The following SYNDIG1L variants were observed in gnomAD, a reference collection of about 807,000 sequenced individuals.
SYNDIG1L encodes synapse differentiation-inducing gene protein 1-like.
SYNDIG1L carries 13 observed loss-of-function variants against 20.1 expected under a neutral mutation model. That is an observed-to-expected ratio of 0.65 (90% CI 0.42 to 1.03). SYNDIG1L has a LOEUF of 1.03. Among genes scored for constraint, SYNDIG1L ranks in the 50% least tolerant of loss-of-function variants. The pLI is 0.00. For missense variants in SYNDIG1L, 294 were observed against 305.1 expected (o/e 0.96, Z 0.27); for synonymous variants, 128 against 129.3 (o/e 0.99, Z 0.07).
At chr14:74,458,356 C>T in the SYNDIG1L span, among the ~76,000 whole-genome samples, 3 of 151,670 alleles carry the variant, frequency 2.0e-5, no homozygotes, top group Admixed American at 2.0e-4. Context: ...AGCACTTTGG[C>T]GGGTAACCTC....
At chr14:74,419,215 C>T (rs972273130) in intron 1 of SYNDIG1L, among the ~76,000 whole-genome samples, 1 of 152,220 alleles carries the variant, frequency 6.6e-6, no homozygotes, top group African/African-American at 2.4e-5. Flanking sequence ...CTGCTCTTCA[C>T]AGCTCCATGC....
chr14:74,449,610 T>TAAAAAAA, the SYNDIG1L span, among the ~76,000 whole-genome samples: 1 of 124,638 alleles, frequency 8.0e-6, no homozygotes. Flanking sequence ...GACTGTGCCT[T>TAAAAAAA]AAAAAAAAAA....
chr14:74,466,038 C>A, the SYNDIG1L span, among the ~76,000 whole-genome samples: 1 of 152,204 alleles, frequency 6.6e-6, no homozygotes, highest in African/African-American at 2.4e-5. Flanking sequence ...ATCAGAGAAG[C>A]GCAGCCTGAC....
chr14:74,429,924 TG>T (rs1220013459), upstream of SYNDIG1L, among the ~76,000 whole-genome samples: 1 of 152,188 alleles, frequency 6.6e-6, no homozygotes, highest in African/African-American at 2.4e-5. Flanking sequence ...ACTTCTTATT[TG>T]GGGGGCTTTG....
intron 1 of SYNDIG1L, among the ~76,000 whole-genome samples, chr14:74,417,721 A>T (rs1406438150): frequency 6.6e-6 from 1 of 152,218 alleles, no homozygotes. Context: ...GCATAACTGC[A>T]TGGAGCTATG....
chr14:74,467,681 G>GA, the SYNDIG1L span, among the ~76,000 whole-genome samples: 1 of 152,212 alleles, frequency 6.6e-6, no homozygotes, highest in African/African-American at 2.4e-5. Flanking sequence ...AAGTGCCCAA[G>GA]AAAGGATGAG....
chr14:74,475,952 A>G, the SYNDIG1L span, among the ~76,000 whole-genome samples: 3 of 152,168 alleles, frequency 2.0e-5, no homozygotes, highest in Non-Finnish European at 4.4e-5. Flanking sequence ...AATCCCTTCA[A>G]TTTGTACATT....
At chr14:74,410,890 G>C (rs1036797981) in intron 1 of SYNDIG1L, among the ~76,000 whole-genome samples, 1 of 152,138 alleles carries the variant, frequency 6.6e-6, no homozygotes, top group Non-Finnish European at 1.5e-5. Context: ...GGGCCTCCTG[G>C]GTTCTGAGGT....
chr14:74,407,526 T>C lies in SYNDIG1L; in HGVS notation c.*9A>G. The C allele has an allele frequency of 6.2e-7, 1 of 1,613,434 alleles. No individual in the cohort carries two copies. Among genetic ancestry groups the C allele is most frequent in the Non-Finnish European group, 8.5e-7 (1 of 1,179,826 alleles). ...GGCAGGGGAGTCAGGATGCAGGCCC[T>C]ACTGGCTACTAGCCATGACCGTTCT... On this transcript the variant is annotated 3_prime_UTR_variant, in exon 4 of 4. Transcript: ENST00000331628.
At chr14:74,437,110 G>A in the SYNDIG1L span, among the ~76,000 whole-genome samples, 1 of 152,162 alleles carries the variant, frequency 6.6e-6, no homozygotes, top group Non-Finnish European at 1.5e-5. Flanking sequence ...CTTAATAGAT[G>A]TTTGCTGAAT....
At chr14:74,458,618 T>G in the SYNDIG1L span, among the ~76,000 whole-genome samples, 1 of 108,142 alleles carries the variant, frequency 9.2e-6, no homozygotes, top group African/African-American at 5.6e-5. Flanking sequence ...CAAGACTCCA[T>G]CTCAAAAAAA....
the SYNDIG1L span, among the ~76,000 whole-genome samples, chr14:74,441,249 G>A: frequency 6.6e-6 from 1 of 152,154 alleles, no homozygotes; most frequent in Non-Finnish European, 1.5e-5. Flanking sequence ...GGGATCTCTT[G>A]CTCTCCTGCC....
intron 1 of SYNDIG1L, among the ~76,000 whole-genome samples, chr14:74,413,300 A>G (rs2086147120): frequency 6.6e-6 from 1 of 152,218 alleles, no homozygotes; most frequent in South Asian, 2.1e-4. Context: ...CTTCATGCAC[A>G]AAGACACATG....
intron 1 of SYNDIG1L, among the ~76,000 whole-genome samples, chr14:74,413,083 T>C (rs564379824): frequency 9.2e-5 from 14 of 152,302 alleles, no homozygotes; most frequent in East Asian, 5.8e-4. Flanking sequence ...CTGAAGACCA[T>C]AGGGGCATTT....
the SYNDIG1L span, among the ~76,000 whole-genome samples, chr14:74,432,697 A>C: frequency 1.1e-4 from 16 of 152,150 alleles, no homozygotes; most frequent in Admixed American, 6.5e-4. Flanking sequence ...TTCTACTAAA[A>C]ATAGTAAAGT....
At chr14:74,441,338 C>T in the SYNDIG1L span, among the ~76,000 whole-genome samples, 1 of 152,132 alleles carries the variant, frequency 6.6e-6, no homozygotes, top group Non-Finnish European at 1.5e-5. Context: ...GAACTTTGTC[C>T]CTCGGACACT....
chr14:74,460,264 G>A, the SYNDIG1L span, among the ~76,000 whole-genome samples: 1 of 152,142 alleles, frequency 6.6e-6, no homozygotes, highest in African/African-American at 2.4e-5. Flanking sequence ...TCTTCTTGGT[G>A]CTGCCGTGGA....
chr14:74,466,102 C>T, the SYNDIG1L span, among the ~76,000 whole-genome samples: 4 of 152,212 alleles, frequency 2.6e-5, no homozygotes, highest in Non-Finnish European at 5.9e-5. Context: ...ATTCGGCCAG[C>T]CAGGTCTGTG....
At chr14:74,441,013 T>C in the SYNDIG1L span, among the ~76,000 whole-genome samples, 1 of 152,216 alleles carries the variant, frequency 6.6e-6, no homozygotes, top group East Asian at 1.9e-4. Context: ...ACTTCCCTCA[T>C]GGAACTGTAT....
Sources: gnomAD v4.1 joint callset for allele counts (sites outside exome capture counted in the v4.1 genomes callset) on GRCh38, gnomAD v4.1.1 for gene constraint, MANE v1.5 for transcripts, NCBI Gene and HGNC (gene_info 2026-07-23, HGNC 2026-07-21) for gene names.